CAMK1D: variants seen among roughly 807,000 people sequenced by gnomAD.
The protein encoded by CAMK1D is calcium/calmodulin-dependent protein kinase type 1D.
A neutral mutation model predicts 47.7 loss-of-function variants in CAMK1D; 9 were observed. The observed-to-expected ratio is 0.19, with a 90% CI of 0.11 to 0.33. CAMK1D has a LOEUF of 0.33. Among genes scored for constraint, CAMK1D ranks in the 10% least tolerant of loss-of-function variants. The pLI is 1.00. For synonymous variants in CAMK1D, 184 were observed against 184.9 expected (o/e 0.99, Z 0.04); for missense variants, 291 against 488.7 (o/e 0.60, Z 3.81).
chr10:12,667,197 C>G (rs1840461604), intron 3 of CAMK1D, among the ~76,000 whole-genome samples: 1 of 152,360 alleles, frequency 6.6e-6, no homozygotes, highest in Non-Finnish European at 1.5e-5. Flanking sequence ...CCTTGTCATC[C>G]TTTCCAGGGA....
At chr10:12,643,222 C>T (rs2399877) in intron 2 of CAMK1D, among the ~76,000 whole-genome samples, 18,915 of 152,068 alleles carry the variant, frequency 0.12, 1,445 homozygotes, top group African/African-American at 0.22. Context: ...AGGCTGGTCT[C>T]GAACTCCTGA....
At chr10:12,468,839 T>C (rs943353408) in intron 1 of CAMK1D, among the ~76,000 whole-genome samples, 1 of 152,174 alleles carries the variant, frequency 6.6e-6, no homozygotes, top group Non-Finnish European at 1.5e-5. Context: ...GCCTCTGTCT[T>C]TGTCATCCTT....
At chr10:12,462,236 G>A (rs184777631) in intron 1 of CAMK1D, among the ~76,000 whole-genome samples, 1 of 138,612 alleles carries the variant, frequency 7.2e-6, no homozygotes, top group Admixed American at 8.1e-5. Context: ...CGTGATCTTG[G>A]CTCACTGCAA....
At chr10:12,397,139 G>A (rs917776706) in intron 1 of CAMK1D, among the ~76,000 whole-genome samples, 3 of 152,136 alleles carry the variant, frequency 2.0e-5, no homozygotes, top group African/African-American at 7.2e-5. Flanking sequence ...TTAAAATAAG[G>A]ATTTTTCTAT....
chr10:12,599,505 G>T lies in CAMK1D; in HGVS notation c.224+46149G>T, dbSNP rs78360584. ...TCAAAGGAGAAACCCTCTGGGATGAGACAGACATAAAGTAAGAAGAAAAGA... is the reference window on the plus strand; with the variant it reads ...TCAAAGGAGAAACCCTCTGGGATGATACAGACATAAAGTAAGAAGAAAAGA... On this transcript the variant is annotated intron_variant, in intron 2 of 10. Transcript: ENST00000619168. 5.6e-3 allele frequency among the ~76,000 whole-genome samples: 846 copies of T among 152,282 alleles called. 8 individuals carry two copies. The highest frequency in any genetic ancestry group is 0.02 in the African/African-American group (814 of 41,540).
chr10:12,432,256 A>G (rs1832500274), intron 1 of CAMK1D, among the ~76,000 whole-genome samples: 1 of 152,228 alleles, frequency 6.6e-6, no homozygotes. Flanking sequence ...GTTTTTCCTC[A>G]GCCCCATGAG....
At chr10:12,635,195 G>T (rs1398422952) in intron 2 of CAMK1D, among the ~76,000 whole-genome samples, 1 of 152,108 alleles carries the variant, frequency 6.6e-6, no homozygotes, top group Non-Finnish European at 1.5e-5. Flanking sequence ...CCTGTGGGTG[G>T]CATAGTGAGA....
chr10:12,696,279 G>A (rs7074358), intron 3 of CAMK1D, among the ~76,000 whole-genome samples: 48,970 of 151,832 alleles, frequency 0.32, 8,097 homozygotes, highest in Middle Eastern at 0.43. Context: ...GCTCATGCCC[G>A]TAATCCCAGC....
At chr10:12,394,215 C>T (rs954314221) in intron 1 of CAMK1D, among the ~76,000 whole-genome samples, 24 of 152,210 alleles carry the variant, frequency 1.6e-4, no homozygotes, top group African/African-American at 5.8e-4. Context: ...TTGCATGGGG[C>T]GAGGTGTAGG....
intron 2 of CAMK1D, among the ~76,000 whole-genome samples, chr10:12,653,861 G>A (rs1186378769): frequency 2.0e-5 from 3 of 152,074 alleles, no homozygotes; most frequent in Non-Finnish European, 2.9e-5. Context: ...TCATTATCTC[G>A]TTTGAATGAA....
intron 1 of CAMK1D, among the ~76,000 whole-genome samples, chr10:12,354,036 A>G (rs911107219): frequency 6.6e-6 from 1 of 152,192 alleles, no homozygotes; most frequent in African/African-American, 2.4e-5. Flanking sequence ...CACTTCTGCA[A>G]TTTCCAGGCT....
intron 3 of CAMK1D, 55 bp from the exon 4 acceptor site, chr10:12,760,893 T>G: frequency 6.4e-7 from 1 of 1,570,510 alleles, no homozygotes; most frequent in Admixed American, 1.8e-5. Context: ...TTGGAAGCTT[T>G]CCCTTCACAA....
At chr10:12,534,300 C>T (rs1243138761) in intron 1 of CAMK1D, among the ~76,000 whole-genome samples, 1 of 152,200 alleles carries the variant, frequency 6.6e-6, no homozygotes, top group Admixed American at 6.5e-5. Context: ...ACCTCCGCCT[C>T]CCAGGTTCAA....
chr10:12,579,104 A>T (rs929901095), intron 2 of CAMK1D, among the ~76,000 whole-genome samples: 1 of 151,972 alleles, frequency 6.6e-6, no homozygotes, highest in Admixed American at 6.6e-5. Flanking sequence ...GCAAGAAACA[A>T]TTGGCTGGGT....
chr10:12,355,150 G>T (rs1164448257), intron 1 of CAMK1D, among the ~76,000 whole-genome samples: 1 of 152,108 alleles, frequency 6.6e-6, no homozygotes. Context: ...GCTCTGGAGG[G>T]ACATTTTTGT....
At chr10:12,634,544 A>G (rs1486697705) in intron 2 of CAMK1D, among the ~76,000 whole-genome samples, 1 of 152,166 alleles carries the variant, frequency 6.6e-6, no homozygotes, top group African/African-American at 2.4e-5. Flanking sequence ...GTGGGGACTA[A>G]GGAACTATTG....
chr10:12,560,419 G>C lies in CAMK1D; in HGVS notation c.224+7063G>C, dbSNP rs562709600. Among the ~76,000 whole-genome samples the C allele has an allele frequency of 1.8e-4, 28 of 152,054 alleles. No homozygotes were observed. The South Asian group carries it at 2.3e-3, about 12-fold the overall frequency. ...AATACAAAAATTAGTCGGGCATGGT[G>C]GTGGGCGCCTGTAATCTCAGCTACT... On this transcript the variant is annotated intron_variant, in intron 2 of 10. Transcript: ENST00000619168.
rs561256414 is a variant in CAMK1D at position 12,647,437 on chromosome 10, C to A, written c.225-19299C>A. Among the ~76,000 whole-genome samples, 37 of 152,272 alleles carry A rather than the reference C, an allele frequency of 2.4e-4. No homozygotes were observed. In the South Asian group the frequency reaches 7.5e-3, roughly 31 times the overall value. Reference sequence around the variant, plus strand: ...GTGCTAGGATTACAGGCATGAGCCACCTCACCCAGCCCTCCGCCTAGTTTT... The same window carrying A: ...GTGCTAGGATTACAGGCATGAGCCAACTCACCCAGCCCTCCGCCTAGTTTT... On this transcript the variant is annotated intron_variant, in intron 2 of 10. Coordinates refer to ENST00000619168, the MANE Select transcript of CAMK1D (RefSeq NM_153498.4).
chr10:12,706,250 C>T (rs1017084551), intron 3 of CAMK1D, among the ~76,000 whole-genome samples: 6 of 152,064 alleles, frequency 3.9e-5, no homozygotes, highest in Non-Finnish European at 5.9e-5. Context: ...TGGAATGGCT[C>T]GCAATTTAAA....
Sources: allele counts gnomAD v4.1 joint callset (sites outside exome capture counted in the v4.1 genomes callset), GRCh38; gene constraint gnomAD v4.1.1; transcripts MANE v1.5; gene names NCBI Gene and HGNC (gene_info 2026-07-23, HGNC 2026-07-21).